CTSA: variants seen among roughly 807,000 people sequenced by gnomAD.
CTSA encodes the protein cathepsin A.
A neutral mutation model predicts 66.7 loss-of-function variants in CTSA; 42 were observed. The observed-to-expected ratio is 0.63, with a 90% CI of 0.49 to 0.81. CTSA has a LOEUF of 0.81. Among genes scored for constraint, CTSA ranks in the 40% least tolerant of loss-of-function variants. CTSA has a pLI of 0.00. For missense variants in CTSA, 525 were observed against 610.9 expected, an observed-to-expected ratio of 0.86 and a Z score of 1.48; for synonymous variants, 225 against 248.6, an observed-to-expected ratio of 0.91 and a Z score of 0.89.
At chr20:45,892,656 C>G (rs1342988022) in intron 5 of CTSA, 69 bp from the exon 6 acceptor site, 2 of 1,599,932 alleles carry the variant, frequency 1.3e-6, no homozygotes, top group African/African-American at 2.7e-5. Flanking sequence ...ATGTCATTAT[C>G]TCTGAAGTTC....
chr20:45,894,410 G>A (rs1987128509), intron 8 of CTSA: 2 of 616,856 alleles, frequency 3.2e-6, no homozygotes, highest in South Asian at 3.8e-5. Flanking sequence ...TTCCAGATAA[G>A]GAAACTGAGG....
rs140321228 is a variant in CTSA at position 45,895,025 on chromosome 20, T to C, written c.980T>C (p.Met327Thr). ...CTGCGCTCAGGGGATAAAGTGCGCATGGACCCCCCCTGCACCAACACAACA... is the reference window on the plus strand; with the variant it reads ...CTGCGCTCAGGGGATAAAGTGCGCACGGACCCCCCCTGCACCAACACAACA... ...ALLRSGDKVRMDPPCTNTTAA... is the reference protein window; with the variant it reads ...ALLRSGDKVRTDPPCTNTTAA... Residue 327 changes from methionine (M) to threonine (T), a missense_variant, in exon 11 of 15, where the codon ATG becomes ACG. Around this residue, in one of 3 missense-constraint regions of CTSA, gnomAD observed 274 missense variants for 321.1 expected, o/e 0.85. Transcript: ENST00000646241. 9.4e-5 allele frequency: 151 copies of C among 1,614,026 alleles called. No homozygotes were observed. The East Asian group carries it at 2.2e-3, about 23-fold the overall frequency.
In CTSA at chr20:45,893,847, GACAT is replaced by G. The variant is rs1987097663; in HGVS notation, c.693-137_693-134del. 9.6e-6 allele frequency: 7 copies of G among 729,134 alleles called. 1 individual carries two copies. The highest frequency in any genetic ancestry group is 8.5e-5 in the South Asian group (6 of 70,780). 45.2% of individuals were successfully genotyped at this position (729,134 alleles called of 1,614,324 possible). On this transcript the variant is annotated intron_variant, in intron 7 of 14. Transcript: ENST00000646241. Reference sequence around the variant, plus strand: ...CACCTCTTTGGGAGCTAGCTTAGATGACATACAGACCACACCCTGTGATATCTTT... The same window carrying G: ...CACCTCTTTGGGAGCTAGCTTAGATGACAGACCACACCCTGTGATATCTTT...
Position 45,892,006 on chromosome 20 carries a change from C to G in CTSA, c.285C>G (p.Leu95=), listed in dbSNP as rs146382561. The G allele has an allele frequency of 1.2e-6, 2 of 1,613,912 alleles. No homozygotes were observed. The highest frequency in any genetic ancestry group is 2.7e-5 in the African/African-American group (2 of 74,928). Residue 95 remains leucine (L), a synonymous_variant, in exon 3 of 15, where the codon CTC becomes CTG. Coordinates refer to ENST00000646241, the MANE Select transcript of CTSA (RefSeq NM_000308.4). ...GPGCSSLDGL[L]TEHGPFLVQP... is the part of the protein sequence containing the mutation. ...GCTGCAGCTCACTAGATGGGCTCCT[C>G]ACAGAGCATGGCCCCTTCCTGGTGA...
At chr20:45,894,175 T>C (rs977521795) in intron 8 of CTSA, 103 bp downstream of exon 8, 3 of 870,226 alleles carry the variant, frequency 3.4e-6, no homozygotes, top group Admixed American at 1.7e-5. Flanking sequence ...CCCTCATTGC[T>C]TTCTTGCACC....
At chr20:45,895,282 A>G (rs1568765462) in intron 11 of CTSA, 149 bp downstream of exon 11, 4 of 874,870 alleles carry the variant, frequency 4.6e-6, no homozygotes, top group Non-Finnish European at 7.2e-6. Context: ...CCCTCAGTGG[A>G]TTGAGAGTCA....
chr20:45,892,144 C>G (rs1441552599), intron 3 of CTSA, 117 bp downstream of exon 3: 1 of 1,421,148 alleles, frequency 7.0e-7, no homozygotes, highest in African/African-American at 1.4e-5. Context: ...GGATTTTCCT[C>G]TATGCCATTG....
At chr20:45,895,189 C>A (rs1987185896) in intron 11 of CTSA, 56 bp downstream of exon 11, 1 of 1,608,752 alleles carries the variant, frequency 6.2e-7, no homozygotes, top group Admixed American at 1.7e-5. Flanking sequence ...GGCTTGTGGG[C>A]ATCGGCAGGT....
intron 8 of CTSA, chr20:45,894,373 C>T (rs1987126416): frequency 4.9e-6 from 3 of 609,272 alleles, no homozygotes; most frequent in South Asian, 3.9e-5. Flanking sequence ...AAGATTCCCC[C>T]TCAAATGAGA....
At position 45,898,808 on chromosome 20, in the gene CTSA, G is replaced by T; in HGVS notation, c.*358G>T. Reference sequence around the variant, plus strand: ...TAGATTGATTATGGAATTAAATTGGGTACAGCTTCAAATCCCGTCTTCTCT... The same window carrying T: ...TAGATTGATTATGGAATTAAATTGGTTACAGCTTCAAATCCCGTCTTCTCT... On this transcript the variant is annotated 3_prime_UTR_variant, in exon 15 of 15. Transcript: ENST00000646241. The surrounding 1 kb of genome is among the most constrained non-coding windows in gnomAD (Gnocchi z 4.6). 2 of 1,025,766 alleles carry T rather than the reference G, an allele frequency of 1.9e-6. No individual in the cohort carries two copies. Among genetic ancestry groups the T allele is most frequent in the Non-Finnish European group, 2.8e-6 (2 of 707,484 alleles). The allele number at this position is 1,025,766 out of a possible 1,614,324, so 63.5% of individuals were successfully genotyped here.
chr20:45,894,163 G>A lies in CTSA; in HGVS notation c.777+91G>A, dbSNP rs55919601. 11,140 of 924,608 alleles carry A rather than the reference G, an allele frequency of 0.012. 838 individuals carry two copies. The African/African-American group carries it at 0.16, about 13-fold the overall frequency. 57.3% of individuals were successfully genotyped at this position (924,608 alleles called of 1,614,324 possible). A position where few individuals can be genotyped will look rare whatever the true frequency, so the allele number is the denominator to read the frequency against. ...CCTCCTTGGGGACTCCTTGTTCTCC[G>A]TCCCTCATTGCTTTCTTGCACCTTT... On this transcript the variant is annotated intron_variant, in intron 8 of 14. Transcript: ENST00000646241.
In CTSA at chr20:45,898,208, TC is replaced by T; in HGVS notation, c.1359+100del. On this transcript the variant is annotated intron_variant, in intron 14 of 14. Transcript: ENST00000646241. This position sits in a 1 kb window ranked among gnomAD's most constrained non-coding sequence, Gnocchi z 4.6. Reference sequence around the variant, plus strand: ...GCTGCCTTTTAGGCTGGGTCATGGGTCACCATCTGGCCCCTGTATGGGCAAG... The same window carrying T: ...GCTGCCTTTTAGGCTGGGTCATGGGTACCATCTGGCCCCTGTATGGGCAAG... 7.1e-7 allele frequency: 1 copy of T among 1,404,564 alleles called. No homozygotes were observed. Among genetic ancestry groups the T allele is most frequent in the Non-Finnish European group, 1.0e-6 (1 of 1,004,054 alleles). The allele number at this position is 1,404,564 out of a possible 1,614,324, so 87.0% of individuals were successfully genotyped here. A position where few individuals can be genotyped will look rare whatever the true frequency, so the allele number is the denominator to read the frequency against.
At position 45,891,760 on chromosome 20, in the gene CTSA, C is replaced by T; in HGVS notation, c.192C>T (p.Tyr64=). ...LKGSGSKHLH[Y]WFVESQKDPE... The stretch of plus-strand genomic sequence containing the variant: ...GCTCCGGCTCCAAGCACCTCCACTA[C>T]TGGTCTGCCGCCCTGCCTTCTGGGC... The change falls in exon 2 of 15, where the codon TAC becomes TAT. Residue 64 remains tyrosine, a splice_region_variant and synonymous_variant. Transcript: ENST00000646241. The surrounding 1 kb of genome is among the most constrained non-coding windows in gnomAD (Gnocchi z 4.6). 6.2e-7 allele frequency: 1 copy of T among 1,613,860 alleles called. No individual in the cohort carries two copies. The highest frequency in any genetic ancestry group is 8.5e-7 in the Non-Finnish European group (1 of 1,180,038).
rs1987106220 is a variant in CTSA, at chr20:45,893,987, G to A, written c.693-1G>A. On this transcript the variant is annotated splice_acceptor_variant, in intron 7 of 14. Transcript: ENST00000646241. LOFTEE classifies it high-confidence loss of function. The stretch of plus-strand genomic sequence containing the variant: ...GCGCTTTTCACTCTCATCTCCTACA[G>A]GCTTTGGTCTTCTCTCCAGACCCAC... 2 of 1,600,702 alleles carry A rather than the reference G, an allele frequency of 1.2e-6. No individual in the cohort carries two copies. Among genetic ancestry groups the A allele is most frequent in the African/African-American group, 1.3e-5 (1 of 74,742 alleles).
chr20:45,892,060 C>A, intron 3 of CTSA, 33 bp downstream of exon 3: 1 of 1,585,362 alleles, frequency 6.3e-7, no homozygotes, highest in Non-Finnish European at 8.7e-7. Flanking sequence ...GCACAGTTCC[C>A]AAAGTAAAAG....
At position 45,892,330 on chromosome 20, in the gene CTSA, C is replaced by G; in HGVS notation, c.357+7C>G. 6.2e-7 allele frequency: 1 copy of G among 1,614,136 alleles called. No homozygotes were observed. ...CCCCTATTCTTGGAATCTGGTATAG[C>G]TGGAGCTGTGGGTGTGTCTGGGCAC... On this transcript the variant is annotated splice_region_variant and intron_variant, in intron 4 of 14. Transcript: ENST00000646241.
At chr20:45,892,975 C>A (rs777000314) in intron 6 of CTSA, 95 bp downstream of exon 6, 147 of 1,448,470 alleles carry the variant, frequency 1.0e-4, no homozygotes, top group Non-Finnish European at 1.3e-4. Context: ...CCCATCCAAC[C>A]CAGCTTCCTG....
chr20:45,891,593 C>A lies in CTSA; in HGVS notation c.25C>A (p.Leu9Met). 1 of 1,561,468 alleles carries A rather than the reference C, an allele frequency of 6.4e-7. No homozygotes were observed. Among genetic ancestry groups the A allele is most frequent in the South Asian group, 1.1e-5 (1 of 89,244 alleles). MIRAAPPPLFLLLLLLLLL... is the reference protein window; with the variant it reads MIRAAPPPMFLLLLLLLLL... ...GATGATCCGAGCCGCGCCGCCGCCGCTGTTCCTGCTGCTGCTGCTGCTGCT... is the reference window on the plus strand; with the variant it reads ...GATGATCCGAGCCGCGCCGCCGCCGATGTTCCTGCTGCTGCTGCTGCTGCT... The change falls in exon 2 of 15, where the codon CTG (leucine) becomes ATG (methionine). Residue 9 changes from leucine (L) to methionine (M), a missense_variant. This residue lies in a region of CTSA where 246 missense variants were observed against 267.4 expected (regional missense o/e 0.92). Transcript: ENST00000646241. This position sits in a 1 kb window ranked among gnomAD's most constrained non-coding sequence, Gnocchi z 4.6.
intron 7 of CTSA, 89 bp from the exon 8 acceptor site, chr20:45,893,899 G>A (rs751577980): frequency 1.4e-5 from 11 of 807,270 alleles, no homozygotes; most frequent in Admixed American, 1.2e-4. Flanking sequence ...GGGTCAGGGA[G>A]GTTGGTGGGA....
Sources: allele counts gnomAD v4.1 joint callset, GRCh38; gene constraint gnomAD v4.1.1; regional missense constraint gnomAD v4.1.1; non-coding constraint Gnocchi (gnomAD v3.1); transcripts MANE v1.5; gene names NCBI Gene and HGNC (gene_info 2026-07-23, HGNC 2026-07-21).